Variants in EYS observed in about 807,000 individuals in gnomAD.
The protein encoded by EYS is EGF-like photoreceptor maintenance factor.
EYS carries 250 observed loss-of-function variants against 282.1 expected under a neutral mutation model. The ratio of observed to expected loss-of-function variants is 0.89; its 90% confidence interval spans 0.80 to 0.98. EYS has a LOEUF of 0.98. Ranked by LOEUF, EYS falls within the 50% of genes least tolerant of loss-of-function variation. The probability of loss-of-function intolerance (pLI) is 0.00; values close to 1 mark genes in which losing one functional copy is unlikely to be tolerated. For synonymous variants in EYS, 1,355 were observed against 1,282.9 expected, an observed-to-expected ratio of 1.06 and a Z score of -1.20; for missense variants, 4,016 against 3,709.0, an observed-to-expected ratio of 1.08 and a Z score of -2.15.
At chr6:64,701,783 AC>A (rs1452903333) in intron 22 of EYS, among the ~76,000 whole-genome samples, 5 of 152,054 alleles carry the variant, frequency 3.3e-5, no homozygotes, top group Admixed American at 3.3e-4. Flanking sequence ...CCCAGACTTC[AC>A]TATACAATAT....
intron 26 of EYS, among the ~76,000 whole-genome samples, chr6:64,472,279 T>C (rs1776143022): frequency 6.6e-6 from 1 of 152,342 alleles, no homozygotes; most frequent in Admixed American, 6.5e-5. Flanking sequence ...TTTTGTTTGA[T>C]AGAGGTGAGA....
intron 37 of EYS, 90 bp downstream of exon 37, chr6:63,806,100 T>G (rs972650603): frequency 8.4e-7 from 1 of 1,190,438 alleles, no homozygotes; most frequent in African/African-American, 1.6e-5. Flanking sequence ...AGGTCTTTTT[T>G]TTACCACAGC....
intron 26 of EYS, among the ~76,000 whole-genome samples, chr6:64,463,026 A>G (rs530361603): frequency 1.4e-3 from 204 of 145,636 alleles, no homozygotes; most frequent in Middle Eastern, 7.4e-3. Flanking sequence ...GGCTCACTGC[A>G]AGCTTCGCCT....
chr6:64,344,751 G>A (rs1771301556), intron 29 of EYS, among the ~76,000 whole-genome samples: 1 of 152,084 alleles, frequency 6.6e-6, no homozygotes, highest in Non-Finnish European at 1.5e-5. Flanking sequence ...AAAAGAGGAA[G>A]TCAAATTGTC....
chr6:65,605,317 CTTCA>C lies in EYS; in HGVS notation c.-333+34457_-333+34460del, dbSNP rs1031950898. Among the ~76,000 whole-genome samples the C allele has an allele frequency of 2.1e-4, 31 of 146,326 alleles. 1 individual carries two copies. The highest frequency in any genetic ancestry group is 5.1e-4 in the African/African-American group (20 of 39,042). On this transcript the variant is annotated intron_variant, in intron 2 of 42. Transcript: ENST00000503581. ...TGAAAAAAATGAAAATAATGCATAA[CTTCA>C]TTGTCGATCACATTTATAAATTAAA...
chr6:64,217,392 G>T (rs936780624), intron 31 of EYS, among the ~76,000 whole-genome samples: 11 of 152,120 alleles, frequency 7.2e-5, no homozygotes, highest in African/African-American at 2.7e-4. Context: ...AGCAGGGCAT[G>T]GTGGTGGGTT....
chr6:64,880,856 C>G (rs9363291), intron 19 of EYS, among the ~76,000 whole-genome samples: 23,059 of 149,804 alleles, frequency 0.15, 2,068 homozygotes, highest in East Asian at 0.48. Context: ...ACATATATTT[C>G]TATACACACG....
intron 30 of EYS, among the ~76,000 whole-genome samples, chr6:64,269,082 C>T (rs1181647066): frequency 6.6e-6 from 1 of 152,094 alleles, no homozygotes; most frequent in Non-Finnish European, 1.5e-5. Flanking sequence ...TCAGTGCTTT[C>T]AAAGAGAGCA....
At chr6:64,171,090 C>T (rs892253942) in intron 31 of EYS, among the ~76,000 whole-genome samples, 1 of 152,164 alleles carries the variant, frequency 6.6e-6, no homozygotes, top group Non-Finnish European at 1.5e-5. Context: ...GCAGGGATAA[C>T]CTGCCCACTA....
intron 18 of EYS, among the ~76,000 whole-genome samples, chr6:64,890,081 T>G (rs1767237320): frequency 6.7e-6 from 1 of 148,942 alleles, no homozygotes; most frequent in South Asian, 2.1e-4. Flanking sequence ...CTCTTATGGT[T>G]GAGACTGCAG....
chr6:63,900,974 A>C (rs952387164), intron 35 of EYS, among the ~76,000 whole-genome samples: 49 of 152,214 alleles, frequency 3.2e-4, no homozygotes, highest in Non-Finnish European at 4.1e-4. Flanking sequence ...AGTACTCAAC[A>C]AAAAAAGTAT....
chr6:65,026,079 T>C (rs991293768), intron 13 of EYS, among the ~76,000 whole-genome samples: 3 of 152,240 alleles, frequency 2.0e-5, no homozygotes, highest in African/African-American at 7.2e-5. Context: ...TTCTATGATC[T>C]TCTAGTAATT....
At chr6:63,915,435 T>C (rs452975) in intron 35 of EYS, among the ~76,000 whole-genome samples, 108,714 of 152,244 alleles carry the variant, frequency 0.71, 38,948 homozygotes, top group Non-Finnish European at 0.73. Context: ...CCCAAAAGCT[T>C]TGTTGGAGAG....
At chr6:65,178,626 C>A (rs1439221066) in intron 12 of EYS, among the ~76,000 whole-genome samples, 2 of 151,848 alleles carry the variant, frequency 1.3e-5, no homozygotes, top group African/African-American at 4.8e-5. Flanking sequence ...ACTTTAACAC[C>A]CCACTGTCAA....
intron 23 of EYS, among the ~76,000 whole-genome samples, chr6:64,622,963 G>A (rs759409100): frequency 6.6e-6 from 1 of 152,146 alleles, no homozygotes; most frequent in Non-Finnish European, 1.5e-5. Context: ...TTACTCAGAA[G>A]AGTGAAAAGT....
chr6:63,722,357 C>A (rs1390770923), intron 42 of EYS, among the ~76,000 whole-genome samples: 1 of 151,656 alleles, frequency 6.6e-6, no homozygotes, highest in African/African-American at 2.4e-5. Context: ...AGTGTCACTT[C>A]CTCAGAGAAG....
At chr6:65,596,182 G>A (rs924984133) in intron 2 of EYS, among the ~76,000 whole-genome samples, 3 of 152,072 alleles carry the variant, frequency 2.0e-5, no homozygotes, top group Admixed American at 6.6e-5. Context: ...TAAGATGACT[G>A]TGGCTAAATA....
intron 26 of EYS, among the ~76,000 whole-genome samples, chr6:64,474,984 CTT>C (rs1368521074): frequency 6.6e-6 from 1 of 152,150 alleles, no homozygotes; most frequent in Non-Finnish European, 1.5e-5. Flanking sequence ...TCCTGGGTCT[CTT>C]GGCCATGAGG....
At chr6:64,529,863 G>T (rs1488324801) in intron 26 of EYS, among the ~76,000 whole-genome samples, 1 of 151,960 alleles carries the variant, frequency 6.6e-6, no homozygotes, top group Non-Finnish European at 1.5e-5. Flanking sequence ...AAATGAAGAT[G>T]GAGAAATAAA....
Sources: gnomAD v4.1 joint callset for allele counts (sites outside exome capture counted in the v4.1 genomes callset) on GRCh38, gnomAD v4.1.1 for gene constraint, MANE v1.5 for transcripts, NCBI Gene and HGNC (gene_info 2026-07-23, HGNC 2026-07-21) for gene names.